The following TSNARE1 variants were observed in gnomAD, a reference collection of about 807,000 sequenced individuals.
The protein encoded by TSNARE1 is t-SNARE domain containing 1.
A neutral mutation model predicts 62.0 loss-of-function variants in TSNARE1; 49 were observed. That is an observed-to-expected ratio of 0.79 (90% CI 0.63 to 1.00). The LOEUF is 1.00. Ranked by LOEUF, TSNARE1 falls within the 50% of genes least tolerant of loss-of-function variation. The pLI is 0.00. For missense variants in TSNARE1, 755 were observed against 700.1 expected (o/e 1.08, Z -0.88); for synonymous variants, 328 against 294.4 (o/e 1.11, Z -1.17).
chr8:142,370,493 G>A (rs557071470), intron 1 of TSNARE1, among the ~76,000 whole-genome samples: 9 of 152,206 alleles, frequency 5.9e-5, no homozygotes, highest in African/African-American at 1.2e-4. Context: ...GATCACTTGC[G>A]CCCAGGAGTT....
intron 4 of TSNARE1, among the ~76,000 whole-genome samples, chr8:142,341,044 C>T (rs1470654225): frequency 6.6e-6 from 1 of 152,236 alleles, no homozygotes; most frequent in Non-Finnish European, 1.5e-5. Flanking sequence ...GCCCTAACTG[C>T]AGAGCCCGCC....
intron 10 of TSNARE1, among the ~76,000 whole-genome samples, chr8:142,294,782 C>A (rs1168775493): frequency 6.6e-6 from 1 of 152,228 alleles, no homozygotes; most frequent in African/African-American, 2.4e-5. Flanking sequence ...GGCTCCTGGA[C>A]ACGACCTAAT....
intron 12 of TSNARE1, among the ~76,000 whole-genome samples, chr8:142,235,164 G>A (rs4976982): frequency 0.53 from 80,968 of 151,492 alleles, 22,753 homozygotes; most frequent in African/African-American, 0.69. Context: ...GCTGGTGCCC[G>A]TGGTCCAGAG....
intron 11 of TSNARE1, chr8:142,276,704 T>C (rs1190617592): frequency 1.8e-5 from 18 of 985,292 alleles, no homozygotes; most frequent in South Asian, 1.4e-4. Flanking sequence ...GCTCTACACC[T>C]AGCCCTGGCC....
chr8:142,314,276 TG>T lies in TSNARE1; in HGVS notation c.1131+107del, dbSNP rs1414151078. 2.8e-6 allele frequency: 3 copies of T among 1,055,166 alleles called. No individual in the cohort carries two copies. The South Asian group carries it at 4.5e-5, about 16-fold the overall frequency. The allele number at this position is 1,055,166 out of a possible 1,614,324, so 65.4% of individuals were successfully genotyped here. On this transcript the variant is annotated intron_variant, in intron 9 of 13. Transcript: ENST00000524325. ...GCTGTGCCTCAGGGCGCCCCTCAGA[TG>T]ACACCCCTGCCCTTGGCCCTCCCCG... is the stretch of plus-strand genomic sequence containing the variant.
intron 1 of TSNARE1, among the ~76,000 whole-genome samples, chr8:142,383,243 G>A (rs1836893385): frequency 2.6e-5 from 4 of 152,200 alleles, no homozygotes; most frequent in Admixed American, 2.6e-4. Context: ...GGGTCAGGCT[G>A]GTCAGCAGCA....
chr8:142,284,140 G>C (rs1822272724), intron 11 of TSNARE1, among the ~76,000 whole-genome samples: 1 of 151,956 alleles, frequency 6.6e-6, no homozygotes, highest in Non-Finnish European at 1.5e-5. Flanking sequence ...GCCAGTGTCT[G>C]TCAATGAGCA....
At position 142,277,108 on chromosome 8, in the gene TSNARE1, G is replaced by T. The variant is rs1308817417; in HGVS notation, c.1364-2245C>A. ...TCAGCCATCAGCCCTGGGCCCAGTG[G>T]CTTTGTCAGGTCTTGGAGGCCCCCA... On this transcript the variant is annotated intron_variant, in intron 11 of 13. Coordinates refer to ENST00000524325, the MANE Select transcript of TSNARE1 (RefSeq NM_145003.5). 4.1e-6 allele frequency: 4 copies of T among 985,272 alleles called. No homozygotes were observed. The African/African-American group carries it at 5.2e-5, about 13-fold the overall frequency. The allele number at this position is 985,272 out of a possible 1,614,324, so 61.0% of individuals were successfully genotyped here.
rs966627862 is a variant in TSNARE1, at chr8:142,234,097, G to C, written c.1447-4518C>G. The stretch of plus-strand genomic sequence containing the variant: ...ACCCCAATCATGGAGGCCGGGGAAG[G>C]CTCCAAGATGGCTCCATGACCCCAA... On this transcript the variant is annotated intron_variant, in intron 12 of 13. Transcript: ENST00000524325. 5.9e-5 allele frequency among the ~76,000 whole-genome samples: 9 copies of C among 152,336 alleles called. No homozygotes were observed. The South Asian group carries it at 8.3e-4, about 14-fold the overall frequency.
chr8:142,256,304 CCACCATCAT>C (rs1818551509), intron 12 of TSNARE1, among the ~76,000 whole-genome samples: 19 of 134,764 alleles, frequency 1.4e-4, no homozygotes, highest in South Asian at 2.6e-4. Flanking sequence ...ACACCCACCA[CCACCATCAT>C]CACCACCATC....
chr8:142,267,353 A>G (rs1819187778), intron 12 of TSNARE1, among the ~76,000 whole-genome samples: 2 of 152,280 alleles, frequency 1.3e-5, no homozygotes, highest in South Asian at 4.2e-4. Flanking sequence ...CAGGGCAAGA[A>G]CCTTCCTCAT....
intron 12 of TSNARE1, among the ~76,000 whole-genome samples, chr8:142,259,797 G>T (rs532903225): frequency 1.3e-5 from 2 of 152,294 alleles, no homozygotes; most frequent in African/African-American, 4.8e-5. Context: ...TTAGAATACC[G>T]AGTTGCTAAG....
chr8:142,325,817 C>T (rs984734540), intron 6 of TSNARE1, among the ~76,000 whole-genome samples: 1 of 151,524 alleles, frequency 6.6e-6, no homozygotes, highest in African/African-American at 2.4e-5. Context: ...CCAACGAAGA[C>T]CAGGGCCCTG....
intron 12 of TSNARE1, among the ~76,000 whole-genome samples, chr8:142,243,689 A>T (rs548246378): frequency 6.6e-6 from 1 of 152,360 alleles, no homozygotes; most frequent in East Asian, 1.9e-4. Context: ...AACGTACAGC[A>T]TGGTAACTCT....
At chr8:142,307,288 G>T (rs1022402950) in intron 9 of TSNARE1, among the ~76,000 whole-genome samples, 2 of 152,234 alleles carry the variant, frequency 1.3e-5, no homozygotes, top group African/African-American at 4.8e-5. Context: ...CATGAATTCA[G>T]CAGGTGCTGC....
Position 142,363,084 on chromosome 8 carries a change from A to G in TSNARE1, c.-39-8321T>C, listed in dbSNP as rs188077876. ...CTACACTCAAACAGACCAGTCTCCAAGCCGCCAGCACGGAAGAGGATCTTC... is the reference window on the plus strand; with the variant it reads ...CTACACTCAAACAGACCAGTCTCCAGGCCGCCAGCACGGAAGAGGATCTTC... On this transcript the variant is annotated intron_variant, in intron 1 of 13. Transcript: ENST00000524325. 3.9e-5 allele frequency among the ~76,000 whole-genome samples: 6 copies of G among 152,228 alleles called. No homozygotes were observed. In the East Asian group the frequency reaches 9.7e-4, roughly 25 times the overall value.
At chr8:142,280,139 G>C (rs1476474223) in intron 11 of TSNARE1, 3 of 1,079,764 alleles carry the variant, frequency 2.8e-6, no homozygotes, top group Non-Finnish European at 2.3e-6. Flanking sequence ...AGCGGGTAGT[G>C]GCGCCGCACC....
At chr8:142,289,248 A>G (rs1364136373) in intron 10 of TSNARE1, among the ~76,000 whole-genome samples, 1 of 152,202 alleles carries the variant, frequency 6.6e-6, no homozygotes, top group African/African-American at 2.4e-5. Context: ...AGCCACAGTT[A>G]AGAAACCCCT....
chr8:142,277,471 C>A (rs1016099117), intron 11 of TSNARE1: 2 of 985,346 alleles, frequency 2.0e-6, no homozygotes, highest in African/African-American at 3.5e-5. Context: ...TGCCCAAACC[C>A]CAGGCAGTGC....
Sources: allele counts gnomAD v4.1 joint callset (sites outside exome capture counted in the v4.1 genomes callset), GRCh38; gene constraint gnomAD v4.1.1; transcripts MANE v1.5; gene names NCBI Gene and HGNC (gene_info 2026-07-23, HGNC 2026-07-21).